The following TERF1 variants were observed in gnomAD, a reference collection of about 807,000 sequenced individuals.
The protein encoded by TERF1 is telomeric repeat binding factor 1, also known as telomeric repeat-binding factor 1.
A neutral mutation model predicts 55.1 loss-of-function variants in TERF1; 20 were observed. The observed-to-expected ratio is 0.36, with a 90% CI of 0.26 to 0.53. The LOEUF is 0.53. TERF1 is among the 20% of genes least tolerant of loss of function. The pLI is 0.91. For missense variants in TERF1, 439 were observed against 535.7 expected (o/e 0.82, Z 1.78); for synonymous variants, 168 against 181.2 (o/e 0.93, Z 0.59).
intron 8 of TERF1, among the ~76,000 whole-genome samples, chr8:73,038,491 A>AT (rs1459747452): frequency 1.3e-5 from 2 of 152,090 alleles, no homozygotes; most frequent in South Asian, 4.2e-4. Context: ...AGAATGTTAG[A>AT]TTTTTTTGTG....
chr8:73,026,174 G>A (rs1808985761), intron 5 of TERF1, among the ~76,000 whole-genome samples: 1 of 151,538 alleles, frequency 6.6e-6, no homozygotes, highest in South Asian at 2.1e-4. Context: ...ACTCCAGCCT[G>A]GGTGACAAAG....
intron 1 of TERF1, among the ~76,000 whole-genome samples, chr8:73,013,347 C>G (rs1446443586): frequency 2.0e-5 from 3 of 152,130 alleles, no homozygotes; most frequent in Non-Finnish European, 4.4e-5. Flanking sequence ...AACATTTTTA[C>G]TTCAGTAGTT....
intron 6 of TERF1, among the ~76,000 whole-genome samples, chr8:73,029,486 C>T (rs1412278534): frequency 6.6e-6 from 1 of 151,904 alleles, no homozygotes; most frequent in Non-Finnish European, 1.5e-5. Flanking sequence ...CTTGGTGGTG[C>T]ATGCCTGTAG....
intron 8 of TERF1, among the ~76,000 whole-genome samples, chr8:73,034,108 C>G (rs749293319): frequency 3.0e-5 from 4 of 132,444 alleles, no homozygotes; most frequent in Non-Finnish European, 6.6e-5. Context: ...CATGCCGCCA[C>G]ACCCTGCTAT....
At chr8:73,037,696 GTATAATATTATATTATA>G (rs1250181542) in intron 8 of TERF1, among the ~76,000 whole-genome samples, 773 of 41,344 alleles carry the variant, frequency 0.019, 34 homozygotes, top group African/African-American at 0.065. Flanking sequence ...ATATTATATA[GTATAATATTATATTATA>G]TATAATATAT....
At position 73,039,123 on chromosome 8, in the gene TERF1, AAAG is replaced by A. The variant is rs1408890598; in HGVS notation, c.1050_1052del (p.Lys352del). ...TTATTTTTCTACTTTTAGGTACAAA[AAAG>A]AAAAAAGAAAGCAGAAGAGCCACTG... On this transcript the variant is annotated inframe_deletion, in exon 9 of 10. Transcript: ENST00000276603. The A allele has an allele frequency of 1.9e-6, 3 of 1,579,982 alleles. No individual in the cohort carries two copies. Among genetic ancestry groups the A allele is most frequent in the Admixed American group, 3.7e-5 (2 of 53,492 alleles).
intron 6 of TERF1, chr8:73,029,810 A>G (rs373270345): frequency 1.3e-5 from 2 of 152,306 alleles, no homozygotes; most frequent in African/African-American, 4.8e-5. Context: ...ATATCATTTT[A>G]GGAGAGAGGA....
At chr8:73,017,679 G>C (rs531604128) in intron 2 of TERF1, among the ~76,000 whole-genome samples, 18 of 151,566 alleles carry the variant, frequency 1.2e-4, no homozygotes, top group Admixed American at 9.9e-4. Flanking sequence ...ATCTCTGGGA[G>C]ATGGGTATAG....
At chr8:73,043,856 T>A (rs1481069908) in intron 9 of TERF1, among the ~76,000 whole-genome samples, 1 of 152,216 alleles carries the variant, frequency 6.6e-6, no homozygotes, top group Non-Finnish European at 1.5e-5. Flanking sequence ...AACCACAAAC[T>A]ACTTTTTAAA....
chr8:73,030,874 T>A (rs1809253335), intron 7 of TERF1: 2 of 152,352 alleles, frequency 1.3e-5, no homozygotes, highest in Admixed American at 1.3e-4. Context: ...GCAGTTGGGA[T>A]CACAAGTGGA....
At chr8:73,044,769 G>A (rs1384308874) in intron 9 of TERF1, among the ~76,000 whole-genome samples, 1 of 151,882 alleles carries the variant, frequency 6.6e-6, no homozygotes, top group Non-Finnish European at 1.5e-5. Context: ...GACTATTCTA[G>A]GCACCTCATA....
intron 8 of TERF1, among the ~76,000 whole-genome samples, chr8:73,036,843 A>G (rs1049566912): frequency 6.9e-6 from 1 of 144,358 alleles, no homozygotes; most frequent in African/African-American, 2.6e-5. Flanking sequence ...TATAATATAT[A>G]TTTATATATA....
intron 1 of TERF1, 55 bp from the exon 2 acceptor site, chr8:73,013,839 GT>G (rs1808377658): frequency 1.9e-6 from 2 of 1,073,632 alleles, no homozygotes; most frequent in Non-Finnish European, 2.8e-6. Flanking sequence ...AAACCACACA[GT>G]GGCACTACTG....
chr8:73,008,915 C>T lies in TERF1; in HGVS notation c.29C>T (p.Pro10Leu), dbSNP rs1486699545. 2 of 1,610,714 alleles carry T rather than the reference C, an allele frequency of 1.2e-6. No homozygotes were observed. Among genetic ancestry groups the T allele is most frequent in the South Asian group, 1.1e-5 (1 of 90,332 alleles). Reference sequence around the variant, plus strand: ...GCGGAGGATGTTTCCTCAGCGGCCCCGAGCCCGCGGGGCTGTGCGGATGGT... The same window carrying T: ...GCGGAGGATGTTTCCTCAGCGGCCCTGAGCCCGCGGGGCTGTGCGGATGGT... MAEDVSSAA[P>L]SPRGCADGRD... Residue 10 changes from proline (P) to leucine (L), a missense_variant, in exon 1 of 10, where the codon CCG becomes CTG. Transcript: ENST00000276603.
At position 73,009,124 on chromosome 8, in the gene TERF1, G is replaced by C; in HGVS notation, c.238G>C (p.Asp80His). Residue 80 changes from aspartate to histidine, a missense_variant, in exon 1 of 10, where the codon GAT becomes CAT. Physicochemically the swap from Asp to His is moderately conservative, Grantham distance 81. Around this residue, in one of 4 missense-constraint regions of TERF1, gnomAD observed 179 missense variants for 152.6 expected, o/e 1.17. Coordinates refer to ENST00000276603, the MANE Select transcript of TERF1 (RefSeq NM_017489.3). ...AEAVAAGWMLDFLCLSLCRAF... is the reference protein window; with the variant it reads ...AEAVAAGWMLHFLCLSLCRAF... ...GGCCGTGGCTGCCGGCTGGATGCTC[G>C]ATTTCCTCTGCCTCTCTCTTTGCCG... is the stretch of plus-strand genomic sequence containing the variant. 6.2e-7 allele frequency: 1 copy of C among 1,610,958 alleles called. No homozygotes were observed. Among genetic ancestry groups the C allele is most frequent in the Non-Finnish European group, 8.5e-7 (1 of 1,179,674 alleles).
chr8:73,034,126 TTTG>T (rs1231968496), intron 8 of TERF1, among the ~76,000 whole-genome samples: 2 of 18,008 alleles, frequency 1.1e-4, no homozygotes, highest in African/African-American at 6.9e-4. Flanking sequence ...TATTTTTTTG[TTTG>T]TTTGTTTGTT....
chr8:73,029,087 C>A (rs1042730301), intron 6 of TERF1, among the ~76,000 whole-genome samples: 1 of 152,076 alleles, frequency 6.6e-6, no homozygotes, highest in African/African-American at 2.4e-5. Context: ...AAGCATCAAA[C>A]CACCAGTGTC....
chr8:73,013,845 C>T, intron 1 of TERF1, 50 bp from the exon 2 acceptor site: 1 of 1,200,148 alleles, frequency 8.3e-7, no homozygotes, highest in Non-Finnish European at 1.2e-6. Context: ...CACAGTGGCA[C>T]TACTGGATCA....
At chr8:73,037,010 AATATAAT>A (rs925825466) in intron 8 of TERF1, among the ~76,000 whole-genome samples, 9 of 133,410 alleles carry the variant, frequency 6.7e-5, no homozygotes, top group Admixed American at 5.5e-4. Context: ...GTTTATATGT[AATATAAT>A]ATATAATATA....
Sources: gnomAD v4.1 joint callset for allele counts (sites outside exome capture counted in the v4.1 genomes callset) on GRCh38, gnomAD v4.1.1 for gene constraint, gnomAD v4.1.1 regional missense constraint, MANE v1.5 for transcripts, NCBI Gene and HGNC (gene_info 2026-07-23, HGNC 2026-07-21) for gene names.